The following HARS1 variants were observed in gnomAD, a reference collection of about 807,000 sequenced individuals.
The protein encoded by HARS1 is histidyl-tRNA synthetase 1, also known as histidine--tRNA ligase, cytoplasmic.
Under a neutral mutation model 63.6 loss-of-function variants are expected in HARS1, and 45 were observed. The ratio of observed to expected loss-of-function variants is 0.71; its 90% CI spans 0.56 to 0.91. The LOEUF is 0.91. Ranked by LOEUF, HARS1 falls within the 40% of genes least tolerant of loss-of-function variation. The pLI is 0.00. For missense variants in HARS1, 508 were observed against 643.2 expected, an observed-to-expected ratio of 0.79 and a Z score of 2.27; for synonymous variants, 205 against 247.1, an observed-to-expected ratio of 0.83 and a Z score of 1.60.
In HARS1 at chr5:140,679,153, G is replaced by GC; in HGVS notation, c.397-27dup. The GC allele has an allele frequency of 6.2e-7, 1 of 1,612,442 alleles. No individual in the cohort carries two copies. Among genetic ancestry groups the GC allele is most frequent in the Non-Finnish European group, 8.5e-7 (1 of 1,178,782 alleles). ...CTGATGACAAAGAGTTAAGGAGAAA[G>GC]CCCCTCCTATCACTGTCTGCAAGTT... On this transcript the variant is annotated intron_variant, in intron 4 of 12. Transcript: ENST00000504156. This position sits in a 1 kb window ranked among gnomAD's most constrained non-coding sequence, Gnocchi z 4.3.
intron 1 of HARS1, 72 bp downstream of exon 1, chr5:140,691,143 T>C: frequency 8.4e-7 from 1 of 1,195,318 alleles, no homozygotes; most frequent in Non-Finnish European, 1.2e-6. Flanking sequence ...CTCTACCCTA[T>C]GTCCCGAACA....
intron 3 of HARS1, among the ~76,000 whole-genome samples, chr5:140,682,239 A>T (rs932790089): frequency 7.2e-5 from 11 of 152,018 alleles, no homozygotes; most frequent in African/African-American, 2.4e-4. Context: ...TTTTTTTTTA[A>T]AAAGGAATTA....
At chr5:140,674,540 G>A (rs2149819086) in intron 12 of HARS1, 139 bp downstream of exon 12, 1 of 987,504 alleles carries the variant, frequency 1.0e-6, no homozygotes, top group African/African-American at 1.6e-5. Flanking sequence ...TAAGACCACA[G>A]TAACAGGTTA....
At chr5:140,674,403 G>C in intron 12 of HARS1, 75 bp from the exon 13 acceptor site, 1 of 1,046,364 alleles carries the variant, frequency 9.6e-7, no homozygotes, top group Non-Finnish European at 1.5e-6. Flanking sequence ...GTTTCCTCTA[G>C]CCCTCTAGGC....
chr5:140,679,264 C>T lies in HARS1; in HGVS notation c.397-137G>A. On this transcript the variant is annotated intron_variant, in intron 4 of 12. Transcript: ENST00000504156. This position sits in a 1 kb window ranked among gnomAD's most constrained non-coding sequence, Gnocchi z 4.3. The stretch of plus-strand genomic sequence containing the variant: ...CCATAAGATTAATAGCACTTACAAA[C>T]ATCAGAAAGCATCAGCTGTGCTACC... 1 of 716,114 alleles carries T rather than the reference C, an allele frequency of 1.4e-6. No homozygotes were observed. 44.4% of individuals were successfully genotyped at this position (716,114 alleles called of 1,614,324 possible).
chr5:140,684,817 AAT>A (rs1758924270), intron 2 of HARS1: 1 of 152,260 alleles, frequency 6.6e-6, no homozygotes, highest in Non-Finnish European at 1.5e-5. Flanking sequence ...TAACACAAAT[AAT>A]ATATCTATTA....
Position 140,690,366 on chromosome 5 carries a change from C to G in HARS1, c.180+489G>C, listed in dbSNP as rs543303618. Among the ~76,000 whole-genome samples, 17 of 152,144 alleles carry G rather than the reference C, an allele frequency of 1.1e-4. No homozygotes were observed. In the South Asian group the frequency reaches 3.5e-3, roughly 32 times the overall value. Reference sequence around the variant, plus strand: ...ACTCAGGAGGCTGAAGCAGGAGAATCGCTTGAACCCAGGAGGCAGCGGCTG... The same window carrying G: ...ACTCAGGAGGCTGAAGCAGGAGAATGGCTTGAACCCAGGAGGCAGCGGCTG... On this transcript the variant is annotated intron_variant, in intron 2 of 12. Coordinates refer to ENST00000504156, the MANE Select transcript of HARS1 (RefSeq NM_002109.6).
chr5:140,684,300 AAAACAAAAAC>A (rs1247224031), intron 2 of HARS1: 14 of 946,480 alleles, frequency 1.5e-5, no homozygotes, highest in South Asian at 9.8e-5. Context: ...AACAAAAACA[AAAACAAAAAC>A]AAACCCAACC....
rs774017621 is a variant in HARS1, at chr5:140,683,180, C to T, written c.220G>A (p.Glu74Lys). 33 of 1,613,746 alleles carry T rather than the reference C, an allele frequency of 2.0e-5. No homozygotes were observed. Among genetic ancestry groups the T allele is most frequent in the African/African-American group, 2.7e-5 (2 of 74,928 alleles). ...DYSPRQMAVR[E>K]KVFDVIIRCF... ...CGGATGATTACGTCAAACACCTTCT[C>T]GCGAACTGCCATCTGCCGGGGACTA... The change falls in exon 3 of 13, where the codon GAG becomes AAG. Residue 74 changes from glutamate (E) to lysine (K), a missense_variant. Coordinates refer to ENST00000504156, the MANE Select transcript of HARS1 (RefSeq NM_002109.6).
At chr5:140,686,725 C>G (rs904273432) in intron 2 of HARS1, among the ~76,000 whole-genome samples, 1 of 151,844 alleles carries the variant, frequency 6.6e-6, no homozygotes, top group African/African-American at 2.4e-5. Context: ...CTTAGCTTCC[C>G]TAGTAGCTGG....
Position 140,691,214 on chromosome 5 carries a change from C to T in HARS1, c.90+1G>A. ...CCTCTCCCCTGCTGCCTAAATCTCA[C>T]CAGCTCGGCGCTGGCCTTCTGCTGC... On this transcript the variant is annotated splice_donor_variant, in intron 1 of 12. Coordinates refer to ENST00000504156, the MANE Select transcript of HARS1 (RefSeq NM_002109.6). LOFTEE classifies it high-confidence loss of function. 1 of 1,598,606 alleles carries T rather than the reference C, an allele frequency of 6.3e-7. No homozygotes were observed.
rs748062451 is a variant in HARS1, at chr5:140,679,801, C to T, written c.383G>A (p.Arg128His). The change falls in exon 4 of 13, where the codon CGC (arginine) becomes CAC (histidine). Residue 128 changes from arginine (R) to histidine (H), a missense_variant. This residue lies in a region of HARS1 where 403 missense variants were observed against 548.7 expected (regional missense o/e 0.73). Transcript: ENST00000504156. This position sits in a 1 kb window ranked among gnomAD's most constrained non-coding sequence, Gnocchi z 4.3. Reference sequence around the variant, plus strand: ...TTAGAAAGATACAGTGAGGTCATAGCGAAGGGACAGGAGCTCCCCGCCCTG... The same window carrying T: ...TTAGAAAGATACAGTGAGGTCATAGTGAAGGGACAGGAGCTCCCCGCCCTG... Reference protein sequence around the residue: ...KDQGGELLSLRYDLTVPFARY... With the variant: ...KDQGGELLSLHYDLTVPFARY... 16 of 1,592,660 alleles carry T rather than the reference C, an allele frequency of 1.0e-5. No homozygotes were observed. Among genetic ancestry groups the T allele is most frequent in the Admixed American group, 5.0e-5 (3 of 59,620 alleles).
intron 2 of HARS1, among the ~76,000 whole-genome samples, chr5:140,690,444 T>C (rs813897): frequency 0.43 from 65,161 of 151,686 alleles, 14,229 homozygotes; most frequent in East Asian, 0.46. Flanking sequence ...GAGGATACTC[T>C]GTTTAAAAAA....
At chr5:140,682,676 G>C (rs936056606) in intron 3 of HARS1, 2 of 155,072 alleles carry the variant, frequency 1.3e-5, no homozygotes, top group African/African-American at 4.8e-5. Context: ...TTCTGCTTCA[G>C]CCTCCTGAGA....
intron 3 of HARS1, chr5:140,682,874 T>C (rs1362989669): frequency 4.2e-6 from 2 of 474,846 alleles, no homozygotes; most frequent in Admixed American, 3.6e-5. Flanking sequence ...ACAATTACCA[T>C]TCCAAAGAAT....
chr5:140,674,580 A>G, intron 12 of HARS1, 99 bp downstream of exon 12: 1 of 1,339,986 alleles, frequency 7.5e-7, no homozygotes, highest in Non-Finnish European at 1.1e-6. Flanking sequence ...AGTTGTACTA[A>G]TATCAATGCC....
intron 3 of HARS1, 120 bp from the exon 4 acceptor site, chr5:140,680,003 T>G (rs1758624338): frequency 1.8e-6 from 1 of 547,206 alleles, no homozygotes; most frequent in Non-Finnish European, 3.2e-6. Flanking sequence ...TTTATCCCAA[T>G]TCTTAGGTGT....
At position 140,686,903 on chromosome 5, in the gene HARS1, A is replaced by G. The variant is rs577837039; in HGVS notation, c.181-3684T>C. On this transcript the variant is annotated intron_variant, in intron 2 of 12. Transcript: ENST00000504156. ...CCACCATGCCCTGACTAAGTTTTCTAAAATTCTAACTTTCACCTGAATACT... is the reference window on the plus strand; with the variant it reads ...CCACCATGCCCTGACTAAGTTTTCTGAAATTCTAACTTTCACCTGAATACT... Among the ~76,000 whole-genome samples the G allele has an allele frequency of 2.2e-4, 34 of 152,344 alleles. No individual in the cohort carries two copies. The South Asian group carries it at 5.8e-3, about 26-fold the overall frequency.
rs1758415033 is a variant in HARS1 at position 140,677,027 on chromosome 5, G to A, written c.913C>T (p.Leu305Phe). Reference protein sequence around the residue: ...ALEGLGDLKLLFEYLTLFGID... With the variant: ...ALEGLGDLKLFFEYLTLFGID... ...CCAAATAGGGTCAGGTACTCAAAGA[G>A]CAACTTCAGGTCTCCCAGGCCCTCC... Residue 305 changes from leucine (L) to phenylalanine (F), a missense_variant, in exon 9 of 13, where the codon CTC becomes TTC. This residue lies in a region of HARS1 where 403 missense variants were observed against 548.7 expected (regional missense o/e 0.73). Transcript: ENST00000504156. The A allele has an allele frequency of 6.2e-7, 1 of 1,614,076 alleles. No individual in the cohort carries two copies.
Sources: gnomAD v4.1 joint callset for allele counts (sites outside exome capture counted in the v4.1 genomes callset) on GRCh38, gnomAD v4.1.1 for gene constraint, gnomAD v4.1.1 regional missense constraint, Gnocchi (gnomAD v3.1) non-coding constraint, MANE v1.5 for transcripts, NCBI Gene and HGNC (gene_info 2026-07-23, HGNC 2026-07-21) for gene names.